KCND3: variants seen among roughly 807,000 people sequenced by gnomAD.
The protein encoded by KCND3 is A-type voltage-gated potassium channel KCND3.
A neutral mutation model predicts 51.1 loss-of-function variants in KCND3; 9 were observed. The ratio of observed to expected loss-of-function variants is 0.18; its 90% CI spans 0.11 to 0.31. The LOEUF (loss-of-function observed/expected upper bound fraction) is 0.31, where lower values mean the gene tolerates loss of function less well. KCND3 is among the 10% of genes least tolerant of loss of function. KCND3 has a pLI of 1.00. For synonymous variants in KCND3, 349 were observed against 368.0 expected, an observed-to-expected ratio of 0.95 and a Z score of 0.59; for missense variants, 526 against 903.8, an observed-to-expected ratio of 0.58 and a Z score of 5.36.
intron 2 of KCND3, among the ~76,000 whole-genome samples, chr1:111,977,374 C>T (rs1235179047): frequency 2.0e-5 from 3 of 152,182 alleles, no homozygotes; most frequent in African/African-American, 2.4e-5. Context: ...CAGGCAGGCC[C>T]CTTCCAGGAT....
At chr1:111,859,452 C>T (rs1229778963) in intron 2 of KCND3, among the ~76,000 whole-genome samples, 1 of 152,232 alleles carries the variant, frequency 6.6e-6, no homozygotes, top group Admixed American at 6.5e-5. Flanking sequence ...TCTCCCTGAA[C>T]CCAGCTAGAA....
intron 2 of KCND3, among the ~76,000 whole-genome samples, chr1:111,971,642 C>T (rs775245177): frequency 2.0e-5 from 3 of 152,168 alleles, no homozygotes; most frequent in Admixed American, 6.5e-5. Flanking sequence ...TGCTAAGCTC[C>T]AGACCCATCT....
intron 2 of KCND3, among the ~76,000 whole-genome samples, chr1:111,839,439 A>G (rs1254803394): frequency 6.6e-6 from 1 of 152,222 alleles, no homozygotes; most frequent in Non-Finnish European, 1.5e-5. Flanking sequence ...CCCTTTTGTT[A>G]GATCTTTCTT....
intron 2 of KCND3, among the ~76,000 whole-genome samples, chr1:111,973,456 A>T (rs1239963279): frequency 6.6e-6 from 1 of 152,224 alleles, no homozygotes. Flanking sequence ...ACTGGGACTG[A>T]TAAGGTTCTG....
intron 2 of KCND3, among the ~76,000 whole-genome samples, chr1:111,849,399 C>T (rs1039097063): frequency 1.3e-5 from 2 of 152,198 alleles, no homozygotes; most frequent in African/African-American, 4.8e-5. Flanking sequence ...ACCCAGCCTA[C>T]CCCATCTTCC....
chr1:111,848,879 C>A (rs892220066), intron 2 of KCND3, among the ~76,000 whole-genome samples: 1 of 152,182 alleles, frequency 6.6e-6, no homozygotes, highest in African/African-American at 2.4e-5. Context: ...GCGCTGGCTG[C>A]CTCATCCACA....
chr1:111,954,710 C>A (rs371095024), intron 2 of KCND3, among the ~76,000 whole-genome samples: 1 of 152,196 alleles, frequency 6.6e-6, no homozygotes, highest in Non-Finnish European at 1.5e-5. Flanking sequence ...ACCTCTTTAA[C>A]CTCCAATGTC....
At chr1:111,918,492 C>T (rs1330705538) in intron 2 of KCND3, among the ~76,000 whole-genome samples, 1 of 152,186 alleles carries the variant, frequency 6.6e-6, no homozygotes, top group Non-Finnish European at 1.5e-5. Context: ...AGTCCCACCA[C>T]TAACCAGCTC....
intron 2 of KCND3, among the ~76,000 whole-genome samples, chr1:111,932,461 C>T (rs564319160): frequency 1.3e-5 from 2 of 152,178 alleles, no homozygotes; most frequent in Non-Finnish European, 2.9e-5. Context: ...CAGCCATCAC[C>T]ACTATCCATC....
At chr1:111,868,369 G>A (rs1164676334) in intron 2 of KCND3, among the ~76,000 whole-genome samples, 2 of 152,106 alleles carry the variant, frequency 1.3e-5, no homozygotes, top group Admixed American at 1.3e-4. Context: ...TCGTGTTTAG[G>A]TAACTCTTAT....
intron 2 of KCND3, among the ~76,000 whole-genome samples, chr1:111,854,566 C>T (rs1286143357): frequency 6.6e-6 from 1 of 152,166 alleles, no homozygotes; most frequent in Non-Finnish European, 1.5e-5. Context: ...GAAAGGCAGG[C>T]GTCGGGTGAG....
chr1:111,948,311 G>A (rs1486503380), intron 2 of KCND3, among the ~76,000 whole-genome samples: 1 of 152,228 alleles, frequency 6.6e-6, no homozygotes, highest in African/African-American at 2.4e-5. Flanking sequence ...TCCTGGAAAA[G>A]CAGCCACAGA....
chr1:111,940,679 A>G (rs1444441217), intron 2 of KCND3, among the ~76,000 whole-genome samples: 1 of 152,188 alleles, frequency 6.6e-6, no homozygotes, highest in Non-Finnish European at 1.5e-5. Context: ...ATCCTCTTTC[A>G]TACCATTTAC....
At chr1:111,823,444 G>C (rs916460186) in intron 2 of KCND3, among the ~76,000 whole-genome samples, 6 of 152,074 alleles carry the variant, frequency 3.9e-5, no homozygotes, top group Admixed American at 3.9e-4. Context: ...CAGGCCTGAT[G>C]GTTCTGAGAC....
At chr1:111,967,252 G>T (rs942805453) in intron 2 of KCND3, among the ~76,000 whole-genome samples, 1 of 152,018 alleles carries the variant, frequency 6.6e-6, no homozygotes, top group African/African-American at 2.4e-5. Context: ...GCTGGGGAGG[G>T]TGCTGAAGAC....
chr1:111,895,907 C>T (rs545137928), intron 2 of KCND3, among the ~76,000 whole-genome samples: 12 of 152,364 alleles, frequency 7.9e-5, no homozygotes, highest in African/African-American at 2.2e-4. Flanking sequence ...AAAAGGATTT[C>T]TTCGAAGAAA....
At chr1:111,842,795 T>C (rs1571725971) in intron 2 of KCND3, among the ~76,000 whole-genome samples, 2 of 151,854 alleles carry the variant, frequency 1.3e-5, no homozygotes, top group South Asian at 4.2e-4. Flanking sequence ...GTTGGGGAGG[T>C]GGGTACCACA....
chr1:111,794,473 T>C (rs762188743), intron 2 of KCND3, among the ~76,000 whole-genome samples: 4 of 152,212 alleles, frequency 2.6e-5, no homozygotes, highest in Non-Finnish European at 5.9e-5. Flanking sequence ...TCAATGAGTT[T>C]CTGCAAGGAT....
intron 2 of KCND3, among the ~76,000 whole-genome samples, chr1:111,937,529 C>A (rs1245767764): frequency 6.6e-6 from 1 of 152,172 alleles, no homozygotes; most frequent in Non-Finnish European, 1.5e-5. Flanking sequence ...AAGCAGATGC[C>A]CCCGACAGGC....
Sources: allele counts gnomAD v4.1 joint callset (sites outside exome capture counted in the v4.1 genomes callset), GRCh38; gene constraint gnomAD v4.1.1; transcripts MANE v1.5; gene names NCBI Gene and HGNC (gene_info 2026-07-23, HGNC 2026-07-21).